CDH2: variants seen among roughly 807,000 people sequenced by gnomAD.
CDH2 encodes the protein cadherin 2, also known as cadherin-2.
In CDH2, 17 loss-of-function variants were observed where a neutral mutation model predicts 92.0. That is an observed-to-expected ratio of 0.18 (90% CI 0.13 to 0.28). The LOEUF is 0.28. Among genes scored for constraint, CDH2 ranks in the 10% least tolerant of loss-of-function variants. The pLI is 1.00. For missense variants in CDH2, 862 were observed against 1,133.1 expected, an observed-to-expected ratio of 0.76 and a Z score of 3.44; for synonymous variants, 419 against 415.9, an observed-to-expected ratio of 1.01 and a Z score of -0.09.
chr18:28,021,652 A>T (rs2013414122), intron 2 of CDH2, among the ~76,000 whole-genome samples: 1 of 151,942 alleles, frequency 6.6e-6, no homozygotes. Flanking sequence ...AAATGATGTT[A>T]ACCATAAAAC....
chr18:28,113,491 A>T (rs1417955702), intron 2 of CDH2, among the ~76,000 whole-genome samples: 2 of 141,686 alleles, frequency 1.4e-5, no homozygotes, highest in East Asian at 1.9e-4. Context: ...AAAAAAAAAG[A>T]TGATGAAAAA....
At chr18:28,042,017 G>A (rs1229434673) in intron 2 of CDH2, among the ~76,000 whole-genome samples, 3 of 152,050 alleles carry the variant, frequency 2.0e-5, no homozygotes, top group East Asian at 1.9e-4. Context: ...TATATTAAGA[G>A]GGTAATCATC....
At chr18:28,145,289 G>A (rs901120947) in intron 2 of CDH2, among the ~76,000 whole-genome samples, 3 of 152,074 alleles carry the variant, frequency 2.0e-5, no homozygotes, top group African/African-American at 7.2e-5. Context: ...TCTAAAGTCA[G>A]CCAATATATG....
At chr18:27,943,089 G>A (rs1909183800) in intron 6 of CDH2, among the ~76,000 whole-genome samples, 1 of 152,078 alleles carries the variant, frequency 6.6e-6, no homozygotes, top group Non-Finnish European at 1.5e-5. Context: ...GTAGAGTTTA[G>A]AATGAACTAA....
chr18:28,147,613 G>T, intron 2 of CDH2, 60 bp downstream of exon 2: 1 of 1,037,234 alleles, frequency 9.6e-7, no homozygotes, highest in South Asian at 1.4e-5. Flanking sequence ...CTTTTTTAAT[G>T]GCTAATTTGT....
intron 2 of CDH2, among the ~76,000 whole-genome samples, chr18:28,139,258 C>T (rs2015914327): frequency 6.6e-6 from 1 of 151,952 alleles, no homozygotes; most frequent in South Asian, 2.1e-4. Flanking sequence ...CTGATATTGT[C>T]TTAGTAAGTG....
At chr18:28,018,322 C>T (rs999485708) in intron 2 of CDH2, among the ~76,000 whole-genome samples, 1 of 152,020 alleles carries the variant, frequency 6.6e-6, no homozygotes, top group Non-Finnish European at 1.5e-5. Context: ...CTGCTAAAAG[C>T]AATCTACAAA....
At chr18:28,095,235 G>A (rs905125269) in intron 2 of CDH2, among the ~76,000 whole-genome samples, 1 of 151,968 alleles carries the variant, frequency 6.6e-6, no homozygotes, top group Non-Finnish European at 1.5e-5. Context: ...CTAGATGAAC[G>A]AACAAGCCAA....
At chr18:28,088,376 A>AATG (rs1487710825) in intron 2 of CDH2, among the ~76,000 whole-genome samples, 3 of 152,178 alleles carry the variant, frequency 2.0e-5, no homozygotes, top group Admixed American at 1.3e-4. Flanking sequence ...TGAACACGCA[A>AATG]ATGAGTTTTA....
intron 1 of CDH2, among the ~76,000 whole-genome samples, chr18:28,161,512 GGAGAATGCA>G: frequency 6.6e-6 from 1 of 151,080 alleles, no homozygotes; most frequent in Non-Finnish European, 1.5e-5. Context: ...CCCAGGAGGA[GGAGAATGCA>G]GTGAGCCGAG....
chr18:27,963,585 G>T, intron 14 of CDH2, 64 bp from the exon 15 acceptor site: 3 of 1,458,464 alleles, frequency 2.1e-6, no homozygotes, highest in Non-Finnish European at 1.9e-6. Context: ...TTACAACCTC[G>T]CTTTTTAAGC....
chr18:27,945,740 C>T (rs970957348), intron 6 of CDH2, among the ~76,000 whole-genome samples: 29 of 151,970 alleles, frequency 1.9e-4, no homozygotes, highest in Non-Finnish European at 2.9e-5. Context: ...GGTCACAACT[C>T]AAAATGCAGG....
intron 2 of CDH2, among the ~76,000 whole-genome samples, chr18:28,108,205 G>A (rs2015354123): frequency 6.6e-6 from 1 of 152,130 alleles, no homozygotes; most frequent in Non-Finnish European, 1.5e-5. Context: ...AAGATAAATG[G>A]CCTCATTTGC....
At chr18:28,003,342 A>G (rs1315741266) in intron 6 of CDH2, among the ~76,000 whole-genome samples, 173 bp from the exon 7 acceptor site, 1 of 152,228 alleles carries the variant, frequency 6.6e-6, no homozygotes, top group East Asian at 1.9e-4. Flanking sequence ...TTATTTCAAA[A>G]AAGATAAAAC....
intron 7 of CDH2, among the ~76,000 whole-genome samples, chr18:27,996,447 T>G (rs763420413): frequency 6.6e-6 from 1 of 152,144 alleles, no homozygotes; most frequent in Non-Finnish European, 1.5e-5. Context: ...GAGAAACCCT[T>G]GCCTAGAATA....
chr18:28,011,810 TGTG>T (rs2013108368), intron 4 of CDH2, 33 bp downstream of exon 4: 22 of 1,595,502 alleles, frequency 1.4e-5, no homozygotes, highest in Non-Finnish European at 1.8e-5. Flanking sequence ...ACATTTGTCT[TGTG>T]GTATGAAAAC....
At chr18:28,052,538 G>T (rs966268043) in intron 2 of CDH2, among the ~76,000 whole-genome samples, 2 of 152,000 alleles carry the variant, frequency 1.3e-5, no homozygotes, top group Non-Finnish European at 2.9e-5. Flanking sequence ...TTTCAAAGAC[G>T]GCAAAGAAGT....
chr18:28,051,064 A>C (rs1441594712), intron 2 of CDH2, among the ~76,000 whole-genome samples: 2 of 152,194 alleles, frequency 1.3e-5, no homozygotes, highest in Non-Finnish European at 2.9e-5. Flanking sequence ...CTCAATTCTA[A>C]TCCATATGCA....
chr18:28,158,403 T>G (rs973642709), intron 1 of CDH2, among the ~76,000 whole-genome samples: 19 of 152,344 alleles, frequency 1.2e-4, no homozygotes, highest in Middle Eastern at 3.4e-3. Flanking sequence ...AGTTCCAGTT[T>G]CAACTCAAGG....
Sources: allele counts gnomAD v4.1 joint callset (sites outside exome capture counted in the v4.1 genomes callset), GRCh38; gene constraint gnomAD v4.1.1; transcripts MANE v1.5; gene names NCBI Gene and HGNC (gene_info 2026-07-23, HGNC 2026-07-21).